Variants in PSMF1 observed in about 807,000 individuals in gnomAD.
The protein encoded by PSMF1 is proteasome inhibitor subunit 1.
A neutral mutation model predicts 29.3 loss-of-function variants in PSMF1; 30 were observed. The ratio of observed to expected loss-of-function variants is 1.02; its 90% CI spans 0.77 to 1.39. The LOEUF is 1.39. PSMF1 is among the 40% of genes most tolerant of loss of function. The pLI, the probability that PSMF1 is intolerant of heterozygous loss-of-function variation, is 0.00. For synonymous variants in PSMF1, 134 were observed against 139.7 expected, an observed-to-expected ratio of 0.96 and a Z score of 0.29; for missense variants, 344 against 357.5, an observed-to-expected ratio of 0.96 and a Z score of 0.31.
At chr20:1,127,225 T>G in intron 2 of PSMF1, 2 of 741,800 alleles carry the variant, frequency 2.7e-6, no homozygotes, top group South Asian at 2.8e-5. Context: ...TGTTTTAGTC[T>G]CTGCCTTGGA....
At position 1,168,446 on chromosome 20, in the gene PSMF1, C is replaced by A. The variant is rs74574744; in HGVS notation, c.*3366C>A. On this transcript the variant is annotated 3_prime_UTR_variant, in exon 7 of 7. Coordinates refer to ENST00000335877, the MANE Select transcript of PSMF1 (RefSeq NM_006814.5). The stretch of plus-strand genomic sequence containing the variant: ...TGATGTACCAGCAGCCCCCACATCA[C>A]ACCTCCTCTTCCTTGGCTTGTCTCT... The A allele has an allele frequency of 5.9e-3, 896 of 152,386 alleles. 6 individuals are homozygous for A. The highest frequency in any genetic ancestry group is 0.021 in the African/African-American group (859 of 41,570). The allele number at this position is 152,386 out of a possible 1,614,324, so 9.4% of individuals were successfully genotyped here. A position where few individuals can be genotyped will look rare whatever the true frequency, so the allele number is the denominator to read the frequency against.
intron 4 of PSMF1, among the ~76,000 whole-genome samples, chr20:1,142,887 A>G (rs951397626): frequency 6.6e-6 from 1 of 152,236 alleles, no homozygotes; most frequent in Admixed American, 6.5e-5. Context: ...AGTCCCACCA[A>G]CAGTGTAAAA....
chr20:1,116,724 A>C (rs2086014851), upstream of PSMF1, among the ~76,000 whole-genome samples: 1 of 152,194 alleles, frequency 6.6e-6, no homozygotes, highest in Admixed American at 6.5e-5. Flanking sequence ...TCATTAAATA[A>C]GCAAAGAAAT....
chr20:1,135,639 AT>A (rs1420956331), intron 4 of PSMF1, among the ~76,000 whole-genome samples: 1 of 152,200 alleles, frequency 6.6e-6, no homozygotes, highest in Non-Finnish European at 1.5e-5. Flanking sequence ...CAGCTAATTC[AT>A]TCCAGAGCTT....
chr20:1,122,129 G>C (rs182851053), intron 1 of PSMF1, among the ~76,000 whole-genome samples: 1 of 152,200 alleles, frequency 6.6e-6, no homozygotes, highest in East Asian at 1.9e-4. Flanking sequence ...TATTCTCTTA[G>C]GGCCAGTCTT....
rs202147585 is a variant in PSMF1, at chr20:1,163,104, C to A, written c.552-26C>A. The A allele has an allele frequency of 1.2e-6, 2 of 1,613,668 alleles. No individual in the cohort carries two copies. The highest frequency in any genetic ancestry group is 1.3e-5 in the African/African-American group (1 of 75,000). Reference sequence around the variant, plus strand: ...AGGTGCCTGGCTGCTCTGGGACTTGCAGTAATTGTCTCTTGTTTGTTTCAG... The same window carrying A: ...AGGTGCCTGGCTGCTCTGGGACTTGAAGTAATTGTCTCTTGTTTGTTTCAG... On this transcript the variant is annotated intron_variant, in intron 4 of 6. Transcript: ENST00000335877. This position sits in a 1 kb window ranked among gnomAD's most constrained non-coding sequence, Gnocchi z 6.1.
intron 3 of PSMF1, among the ~76,000 whole-genome samples, chr20:1,129,737 A>C (rs772281700): frequency 3.9e-5 from 6 of 152,242 alleles, no homozygotes; most frequent in Non-Finnish European, 7.3e-5. Flanking sequence ...CACTCTTGGG[A>C]ATGTAAAATG....
rs538701608 is a variant in PSMF1, at chr20:1,170,352, C to T, written c.*5272C>T. ...CAGTCAGTCCTCTTGGTTAATGGCA[C>T]ATTATGATTAATGCATGCATGAACT... On this transcript the variant is annotated 3_prime_UTR_variant, in exon 7 of 7. Coordinates refer to ENST00000335877, the MANE Select transcript of PSMF1 (RefSeq NM_006814.5). 1.3e-5 allele frequency among the ~76,000 whole-genome samples: 2 copies of T among 152,152 alleles called. No homozygotes were observed. The highest frequency in any genetic ancestry group is 4.1e-4 in the South Asian group (2 of 4,830).
chr20:1,162,436 G>C (rs2086678679), intron 4 of PSMF1, among the ~76,000 whole-genome samples: 1 of 152,102 alleles, frequency 6.6e-6, no homozygotes, highest in Admixed American at 6.5e-5. Context: ...TTGAAGGACT[G>C]TGTATTTTTG....
rs2086746339 is a variant in PSMF1 at position 1,167,576 on chromosome 20, T to C, written c.*2496T>C. 6.6e-6 allele frequency: 1 copy of C among 152,088 alleles called. No homozygotes were observed. Among genetic ancestry groups the C allele is most frequent in the Admixed American group, 6.5e-5 (1 of 15,282 alleles). The allele number at this position is 152,088 out of a possible 1,614,324, so 9.4% of individuals were successfully genotyped here. On this transcript the variant is annotated 3_prime_UTR_variant, in exon 7 of 7. Coordinates refer to ENST00000335877, the MANE Select transcript of PSMF1 (RefSeq NM_006814.5). ...TGTCTCTAAAGATTTTTTTTTTTTT[T>C]CTGGACAGTTCTCATAAGTGGAATC...
At position 1,118,672 on chromosome 20, in the gene PSMF1, C is replaced by A; in HGVS notation, c.-102C>A. The A allele has an allele frequency of 2.2e-6, 3 of 1,386,876 alleles. No individual in the cohort carries two copies. The highest frequency in any genetic ancestry group is 2.9e-6 in the Non-Finnish European group (3 of 1,029,980). 85.9% of individuals were successfully genotyped at this position (1,386,876 alleles called of 1,614,324 possible). ...CAGGTGTGGACTCGGCAAGAACCAG[C>A]GCAAGAGGGAAGCAGAGTTATAGCT... On this transcript the variant is annotated 5_prime_UTR_variant, in exon 1 of 7. Transcript: ENST00000335877.
chr20:1,153,757 T>G (rs1429794725), intron 4 of PSMF1, among the ~76,000 whole-genome samples: 1 of 152,194 alleles, frequency 6.6e-6, no homozygotes, highest in Non-Finnish European at 1.5e-5. Flanking sequence ...AAATCTTATC[T>G]AAGTCTCATT....
chr20:1,153,519 C>A (rs2086557313), intron 4 of PSMF1, among the ~76,000 whole-genome samples: 2 of 152,112 alleles, frequency 1.3e-5, no homozygotes, highest in Admixed American at 1.3e-4. Context: ...GATTAGCCCA[C>A]CGAGATAATG....
chr20:1,136,655 G>A (rs918179820), intron 4 of PSMF1, among the ~76,000 whole-genome samples: 2 of 152,178 alleles, frequency 1.3e-5, no homozygotes, highest in African/African-American at 4.8e-5. Context: ...CCATGCGTAG[G>A]TGCCTGAGTA....
rs6108622 is a variant in PSMF1, at chr20:1,125,959, C to A, written c.282+309C>A. On this transcript the variant is annotated intron_variant, in intron 2 of 6. Transcript: ENST00000335877. ...GTAACCCCAATGGGCTACTTCAGTT[C>A]CTTAAATAAATTGAATTCTTTGCTG... is the stretch of plus-strand genomic sequence containing the variant. 3.3e-3 allele frequency: 1,675 copies of A among 508,222 alleles called. 17 individuals are homozygous for A. Among genetic ancestry groups the A allele is most frequent in the African/African-American group, 0.028 (1,489 of 52,290 alleles). The allele number at this position is 508,222 out of a possible 1,614,324, so 31.5% of individuals were successfully genotyped here.
rs770715424 is a variant in PSMF1, at chr20:1,135,050, T to G, written c.366-71T>G. On this transcript the variant is annotated intron_variant, in intron 3 of 6. Transcript: ENST00000335877. The stretch of plus-strand genomic sequence containing the variant: ...TCAGGGCCGCCGCCGCCGCCGTCGT[T>G]GCAGCCAGAATACCACTTCCAGGGT... 2.6e-6 allele frequency: 4 copies of G among 1,535,308 alleles called. No individual in the cohort carries two copies. The Admixed American group carries it at 5.0e-5, about 19-fold the overall frequency.
chr20:1,125,686 T>TG, intron 2 of PSMF1, 36 bp downstream of exon 2: 2 of 1,595,652 alleles, frequency 1.3e-6, no homozygotes, highest in Non-Finnish European at 1.7e-6. Context: ...GCTGATGAGA[T>TG]GGGGATAGGA....
At chr20:1,131,006 A>G (rs2086221631) in intron 3 of PSMF1, among the ~76,000 whole-genome samples, 2 of 152,054 alleles carry the variant, frequency 1.3e-5, no homozygotes, top group African/African-American at 4.8e-5. Context: ...AGGGGAAGTG[A>G]GCCAGGCCTG....
chr20:1,141,952 C>T (rs1034980395), intron 4 of PSMF1, among the ~76,000 whole-genome samples: 1 of 152,224 alleles, frequency 6.6e-6, no homozygotes, highest in Non-Finnish European at 1.5e-5. Context: ...GGCACAATGG[C>T]TCACGCCTGT....
Sources: gnomAD v4.1 joint callset for allele counts (sites outside exome capture counted in the v4.1 genomes callset) on GRCh38, gnomAD v4.1.1 for gene constraint, Gnocchi (gnomAD v3.1) non-coding constraint, MANE v1.5 for transcripts, NCBI Gene and HGNC (gene_info 2026-07-23, HGNC 2026-07-21) for gene names.